Variants in ERBB4 observed in about 807,000 individuals in gnomAD.
ERBB4 encodes the protein receptor tyrosine-protein kinase erbB-4.
A neutral mutation model predicts 158.0 loss-of-function variants in ERBB4; 42 were observed. The observed-to-expected ratio is 0.27, with a 90% CI of 0.21 to 0.34. The LOEUF (loss-of-function observed/expected upper bound fraction) is 0.34, where lower values mean the gene tolerates loss of function less well. Among genes scored for constraint, ERBB4 ranks in the 10% least tolerant of loss-of-function variants. The probability of loss-of-function intolerance (pLI) is 1.00; values close to 1 mark genes in which losing one functional copy is unlikely to be tolerated. For missense variants in ERBB4, 1,333 were observed against 1,624.1 expected (o/e 0.82, Z 3.08); for synonymous variants, 583 against 558.7 (o/e 1.04, Z -0.61).
At chr2:212,388,555 A>G (rs1302518186) in intron 1 of ERBB4, among the ~76,000 whole-genome samples, 3 of 152,082 alleles carry the variant, frequency 2.0e-5, no homozygotes, top group Non-Finnish European at 4.4e-5. Context: ...CTAGGGTTAA[A>G]GAAGTCACGA....
intron 1 of ERBB4, among the ~76,000 whole-genome samples, chr2:212,387,729 A>T (rs567677610): frequency 6.6e-6 from 1 of 151,994 alleles, no homozygotes; most frequent in African/African-American, 2.4e-5. Flanking sequence ...ATTAGAACAC[A>T]TTTGAATCTT....
intron 1 of ERBB4, among the ~76,000 whole-genome samples, chr2:212,457,911 A>G (rs1390159132): frequency 6.6e-6 from 1 of 151,904 alleles, no homozygotes; most frequent in Non-Finnish European, 1.5e-5. Context: ...ATTTACAAGG[A>G]TTTTTCTTTG....
At chr2:212,305,183 A>C (rs958946122) in intron 1 of ERBB4, among the ~76,000 whole-genome samples, 3 of 151,356 alleles carry the variant, frequency 2.0e-5, no homozygotes, top group Non-Finnish European at 4.4e-5. Flanking sequence ...ATTTTTGTAC[A>C]TTTAGCAGAA....
intron 10 of ERBB4, among the ~76,000 whole-genome samples, chr2:211,704,692 C>T (rs1218636357): frequency 1.3e-5 from 2 of 152,138 alleles, no homozygotes; most frequent in African/African-American, 2.4e-5. Flanking sequence ...TAAATAAATG[C>T]TACATGTTAT....
At chr2:211,711,849 A>G (rs1244830131) in intron 9 of ERBB4, among the ~76,000 whole-genome samples, 1 of 152,144 alleles carries the variant, frequency 6.6e-6, no homozygotes, top group African/African-American at 2.4e-5. Flanking sequence ...GACCTTAGTC[A>G]CCAAACTAAA....
intron 2 of ERBB4, among the ~76,000 whole-genome samples, chr2:212,003,153 GAAAGAAA>G (rs1559292484): frequency 0.017 from 229 of 13,676 alleles, no homozygotes; most frequent in African/African-American, 0.025. Context: ...AGGAAGGAAA[GAAAGAAA>G]GAAAGAAAGA....
At chr2:211,517,425 T>C (rs1164909095) in intron 20 of ERBB4, among the ~76,000 whole-genome samples, 1 of 152,160 alleles carries the variant, frequency 6.6e-6, no homozygotes, top group East Asian at 1.9e-4. Flanking sequence ...CCTATTTTCT[T>C]ATCTAAAAAT....
chr2:211,877,549 C>A (rs2078538046), intron 3 of ERBB4, among the ~76,000 whole-genome samples: 1 of 149,036 alleles, frequency 6.7e-6, no homozygotes, highest in Non-Finnish European at 1.5e-5. Context: ...ATTATGCCGC[C>A]TTCCTCTTTA....
At chr2:212,337,795 G>A (rs2088515646) in intron 1 of ERBB4, among the ~76,000 whole-genome samples, 1 of 152,012 alleles carries the variant, frequency 6.6e-6, no homozygotes. Context: ...CTGAGTTTTT[G>A]CACTGTTTCA....
intron 1 of ERBB4, among the ~76,000 whole-genome samples, chr2:212,220,954 C>A (rs1366174680): frequency 6.6e-6 from 1 of 151,488 alleles, no homozygotes; most frequent in Non-Finnish European, 1.5e-5. Flanking sequence ...GAAAACCTAG[C>A]AGGTGTTCCA....
chr2:212,406,699 TG>T (rs1439665080), intron 1 of ERBB4, among the ~76,000 whole-genome samples: 4 of 152,174 alleles, frequency 2.6e-5, no homozygotes, highest in African/African-American at 9.7e-5. Context: ...GAACTGACTC[TG>T]GTTGTCATTT....
In ERBB4 at chr2:212,523,038, C is replaced by T. The variant is rs116499081; in HGVS notation, c.82+15411G>A. 2.8e-3 allele frequency among the ~76,000 whole-genome samples: 424 copies of T among 151,734 alleles called. 3 individuals are homozygous for T. The highest frequency in any genetic ancestry group is 9.5e-3 in the African/African-American group (394 of 41,412). ...ACCAAAAATAATGTTAAAAGAATGGCCACAAATGGAAAAAGCAAAACATTT... is the reference window on the plus strand; with the variant it reads ...ACCAAAAATAATGTTAAAAGAATGGTCACAAATGGAAAAAGCAAAACATTT... On this transcript the variant is annotated intron_variant, in intron 1 of 27. Transcript: ENST00000342788.
chr2:211,771,583 T>C (rs2075693330), intron 4 of ERBB4, among the ~76,000 whole-genome samples: 1 of 152,178 alleles, frequency 6.6e-6, no homozygotes, highest in Non-Finnish European at 1.5e-5. Context: ...AAGTATACAG[T>C]TTAATAATTT....
intron 3 of ERBB4, among the ~76,000 whole-genome samples, chr2:211,868,254 G>C (rs534053310): frequency 1.3e-5 from 2 of 152,326 alleles, no homozygotes; most frequent in African/African-American, 4.8e-5. Context: ...ACAGGATCTA[G>C]AGAATGGGAG....
At chr2:212,138,380 A>T (rs2080339923) in intron 1 of ERBB4, among the ~76,000 whole-genome samples, 1 of 152,116 alleles carries the variant, frequency 6.6e-6, no homozygotes, top group African/African-American at 2.4e-5. Flanking sequence ...TGTGGTGTGG[A>T]TGTTTGCCCC....
At chr2:212,241,852 G>A (rs2084118736) in intron 1 of ERBB4, among the ~76,000 whole-genome samples, 2 of 141,596 alleles carry the variant, frequency 1.4e-5, no homozygotes, top group African/African-American at 2.6e-5. Context: ...GTATTTTCAT[G>A]TGCCATGTGA....
chr2:211,832,855 T>A (rs2077254543), intron 3 of ERBB4, among the ~76,000 whole-genome samples: 2 of 147,574 alleles, frequency 1.4e-5, no homozygotes, highest in African/African-American at 4.9e-5. Flanking sequence ...ATATAGTTTA[T>A]ATATATATAA....
chr2:212,005,664 C>T (rs1248146607), intron 2 of ERBB4, among the ~76,000 whole-genome samples: 1 of 152,094 alleles, frequency 6.6e-6, no homozygotes, highest in African/African-American at 2.4e-5. Context: ...TTCAGAAAAG[C>T]CTCTTGTAGG....
intron 2 of ERBB4, among the ~76,000 whole-genome samples, chr2:212,123,650 T>A (rs932397700): frequency 6.6e-6 from 1 of 152,174 alleles, no homozygotes; most frequent in East Asian, 1.9e-4. Context: ...GTTTTAAAAA[T>A]GGATATCATA....
Sources: allele counts gnomAD v4.1 joint callset (sites outside exome capture counted in the v4.1 genomes callset), GRCh38; gene constraint gnomAD v4.1.1; transcripts MANE v1.5; gene names NCBI Gene and HGNC (gene_info 2026-07-23, HGNC 2026-07-21).